The following PARVA variants were observed in gnomAD, a reference collection of about 807,000 sequenced individuals.
PARVA encodes the protein parvin alpha.
In PARVA, 25 loss-of-function variants were observed where a neutral mutation model predicts 52.6. That is an observed-to-expected ratio of 0.48 (90% CI 0.35 to 0.66). The LOEUF is 0.66. Among genes scored for constraint, PARVA ranks in the 30% least tolerant of loss-of-function variants. The probability of loss-of-function intolerance (pLI) is 0.01; values close to 1 mark genes in which losing one functional copy is unlikely to be tolerated. For synonymous variants in PARVA, 185 were observed against 179.1 expected (o/e 1.03, Z -0.26); for missense variants, 373 against 450.9 (o/e 0.83, Z 1.56).
At chr11:12,468,793 C>T (rs1940890555) in intron 1 of PARVA, among the ~76,000 whole-genome samples, 1 of 152,170 alleles carries the variant, frequency 6.6e-6, no homozygotes, top group South Asian at 2.1e-4. Flanking sequence ...TGCAACAAAT[C>T]CAGGTATAAT....
At chr11:12,425,246 T>C (rs1347430821) in intron 1 of PARVA, among the ~76,000 whole-genome samples, 2 of 152,210 alleles carry the variant, frequency 1.3e-5, no homozygotes, top group Admixed American at 6.5e-5. Flanking sequence ...TCAACATAAT[T>C]AGTTCAGCAA....
chr11:12,433,161 A>C (rs977620566), intron 1 of PARVA, among the ~76,000 whole-genome samples: 1 of 152,180 alleles, frequency 6.6e-6, no homozygotes, highest in African/African-American at 2.4e-5. Context: ...AGGGAGGCCA[A>C]GTTTCATTTT....
rs573455836 is a variant in PARVA at position 12,469,926 on chromosome 11, CA to C, written c.137-3816del. ...GACCCACCTTTAGGAGTCCTGGCTTCAAATATTGCGTTTCTAGTCACACTTT... is the reference window on the plus strand; with the variant it reads ...GACCCACCTTTAGGAGTCCTGGCTTCAATATTGCGTTTCTAGTCACACTTT... On this transcript the variant is annotated intron_variant, in intron 1 of 12. Transcript: ENST00000334956. 9.0e-3 allele frequency among the ~76,000 whole-genome samples: 1,373 copies of C among 152,300 alleles called. 14 individuals carry two copies. The highest frequency in any genetic ancestry group is 0.032 in the African/African-American group (1,324 of 41,570).
intron 4 of PARVA, among the ~76,000 whole-genome samples, chr11:12,480,993 G>A (rs1941079118): frequency 6.6e-6 from 1 of 152,022 alleles, no homozygotes; most frequent in African/African-American, 2.4e-5. Flanking sequence ...CGTGTCACTG[G>A]TCATGTTAAC....
chr11:12,440,328 CA>C (rs1254587625), intron 1 of PARVA, among the ~76,000 whole-genome samples: 11 of 152,094 alleles, frequency 7.2e-5, no homozygotes, highest in Non-Finnish European at 1.6e-4. Flanking sequence ...CGGTCAAGAT[CA>C]AAAGAGAAGC....
chr11:12,510,455 C>A (rs1941490418), intron 7 of PARVA, among the ~76,000 whole-genome samples: 1 of 152,188 alleles, frequency 6.6e-6, no homozygotes, highest in African/African-American at 2.4e-5. Flanking sequence ...CCATAATTAT[C>A]TTCATTTTAG....
At chr11:12,478,064 A>G in intron 4 of PARVA, 115 bp downstream of exon 4, 1 of 764,058 alleles carries the variant, frequency 1.3e-6, no homozygotes. Context: ...GAAATGGATT[A>G]CAAATGTGTG....
At chr11:12,463,649 A>G (rs1327839487) in intron 1 of PARVA, among the ~76,000 whole-genome samples, 1 of 152,146 alleles carries the variant, frequency 6.6e-6, no homozygotes, top group Non-Finnish European at 1.5e-5. Context: ...TCCTTCCTAT[A>G]CAGTACTCTT....
At chr11:12,442,815 A>T (rs1321945409) in intron 1 of PARVA, among the ~76,000 whole-genome samples, 1 of 152,024 alleles carries the variant, frequency 6.6e-6, no homozygotes, top group African/African-American at 2.4e-5. Flanking sequence ...CCATGGGACA[A>T]CGTGGGATGC....
At chr11:12,526,419 T>C (rs1941702022) in intron 12 of PARVA, among the ~76,000 whole-genome samples, 1 of 152,156 alleles carries the variant, frequency 6.6e-6, no homozygotes, top group Non-Finnish European at 1.5e-5. Flanking sequence ...TTTATTACCT[T>C]CTCTTAATCA....
intron 1 of PARVA, among the ~76,000 whole-genome samples, chr11:12,396,224 T>A (rs78886486): frequency 0.024 from 3,089 of 127,544 alleles, 117 homozygotes; most frequent in African/African-American, 0.093. Flanking sequence ...AGTCTAACTC[T>A]TTGCCCACTA....
At chr11:12,482,217 T>C (rs1381084944) in intron 4 of PARVA, among the ~76,000 whole-genome samples, 2 of 150,252 alleles carry the variant, frequency 1.3e-5, no homozygotes, top group East Asian at 3.9e-4. Flanking sequence ...GCCATGTTGA[T>C]TACATTGTGG....
chr11:12,389,658 A>G (rs536599563), intron 1 of PARVA, among the ~76,000 whole-genome samples: 1 of 152,282 alleles, frequency 6.6e-6, no homozygotes, highest in East Asian at 1.9e-4. Context: ...GGGCAACAAG[A>G]GAAGGGATGG....
At chr11:12,501,521 C>T (rs529253449) in intron 5 of PARVA, among the ~76,000 whole-genome samples, 1 of 152,108 alleles carries the variant, frequency 6.6e-6, no homozygotes, top group Non-Finnish European at 1.5e-5. Flanking sequence ...GTTAGGACTC[C>T]AGAATCCTCA....
chr11:12,400,676 C>CT (rs960388837), intron 1 of PARVA, among the ~76,000 whole-genome samples: 4 of 152,224 alleles, frequency 2.6e-5, no homozygotes, highest in African/African-American at 9.6e-5. Flanking sequence ...CCTTCCGTCT[C>CT]TTTTTTGTGA....
At chr11:12,395,860 A>G (rs1455828701) in intron 1 of PARVA, among the ~76,000 whole-genome samples, 1 of 152,224 alleles carries the variant, frequency 6.6e-6, no homozygotes, top group Non-Finnish European at 1.5e-5. Context: ...GCAGAATCAG[A>G]ACAATTAAAA....
At chr11:12,425,180 G>C (rs11022353) in intron 1 of PARVA, among the ~76,000 whole-genome samples, 29,137 of 152,082 alleles carry the variant, frequency 0.19, 5,106 homozygotes, top group African/African-American at 0.47. Flanking sequence ...GTGTAGAGAG[G>C]ACAGAACTTT....
At chr11:12,433,234 G>A (rs546458576) in intron 1 of PARVA, among the ~76,000 whole-genome samples, 1 of 152,234 alleles carries the variant, frequency 6.6e-6, no homozygotes, top group Admixed American at 6.5e-5. Context: ...CCCACCCAAA[G>A]GATGAAAAAC....
intron 1 of PARVA, among the ~76,000 whole-genome samples, chr11:12,383,127 C>T (rs1939517605): frequency 1.3e-5 from 2 of 152,164 alleles, no homozygotes; most frequent in Admixed American, 1.3e-4. Context: ...TTTATCTGGG[C>T]CCCTTCTTAT....
Sources: gnomAD v4.1 joint callset for allele counts (sites outside exome capture counted in the v4.1 genomes callset) on GRCh38, gnomAD v4.1.1 for gene constraint, MANE v1.5 for transcripts, NCBI Gene and HGNC (gene_info 2026-07-23, HGNC 2026-07-21) for gene names.